The following PLPP1 variants were observed in gnomAD, a reference collection of about 807,000 sequenced individuals.
The protein encoded by PLPP1 is phospholipid phosphatase 1.
A neutral mutation model predicts 31.2 loss-of-function variants in PLPP1; 24 were observed. The ratio of observed to expected loss-of-function variants is 0.77; its 90% CI spans 0.56 to 1.08. The LOEUF (loss-of-function observed/expected upper bound fraction) is 1.08, where lower values mean the gene tolerates loss of function less well. Ranked by LOEUF, PLPP1 falls within the 50% of genes least tolerant of loss-of-function variation. PLPP1 has a pLI of 0.00. For synonymous variants in PLPP1, 146 were observed against 126.3 expected, an observed-to-expected ratio of 1.16 and a Z score of -1.05; for missense variants, 319 against 342.7, an observed-to-expected ratio of 0.93 and a Z score of 0.55.
At chr5:55,505,203 T>C (rs546417761) in intron 1 of PLPP1, among the ~76,000 whole-genome samples, 274 of 152,312 alleles carry the variant, frequency 1.8e-3, no homozygotes, top group Non-Finnish European at 3.2e-3. Context: ...ATATTTTCTA[T>C]ACTTCATCTA....
intron 3 of PLPP1, among the ~76,000 whole-genome samples, chr5:55,449,920 G>T (rs1472259622): frequency 6.6e-6 from 1 of 151,364 alleles, no homozygotes; most frequent in African/African-American, 2.4e-5. Context: ...GGTAATAAAT[G>T]GTAAAGGAAT....
intron 1 of PLPP1, among the ~76,000 whole-genome samples, chr5:55,508,342 A>G (rs1366997270): frequency 6.6e-6 from 1 of 152,168 alleles, no homozygotes; most frequent in African/African-American, 2.4e-5. Flanking sequence ...CACTGTGGGC[A>G]CCTCTATGTG....
intron 4 of PLPP1, among the ~76,000 whole-genome samples, chr5:55,440,821 T>C (rs534725668): frequency 6.6e-6 from 1 of 152,340 alleles, no homozygotes; most frequent in South Asian, 2.1e-4. Flanking sequence ...TTACATATTG[T>C]GCATTTTAAG....
intron 3 of PLPP1, 132 bp downstream of exon 3, chr5:55,467,737 C>G: frequency 1.0e-6 from 1 of 997,788 alleles, no homozygotes; most frequent in South Asian, 1.7e-5. Flanking sequence ...ACAATTCATA[C>G]AAGATCAAAA....
chr5:55,523,708 C>T (rs1253100817), intron 1 of PLPP1, among the ~76,000 whole-genome samples: 1 of 152,220 alleles, frequency 6.6e-6, no homozygotes, highest in Non-Finnish European at 1.5e-5. Flanking sequence ...ATTCCAGCCA[C>T]ACTGGCCTCT....
chr5:55,508,541 T>C (rs1229607650), intron 1 of PLPP1, among the ~76,000 whole-genome samples: 2 of 152,220 alleles, frequency 1.3e-5, no homozygotes, highest in African/African-American at 4.8e-5. Context: ...CAGGTATTAT[T>C]ATCCCCATTT....
At chr5:55,435,637 T>C (rs1178353106) in intron 4 of PLPP1, among the ~76,000 whole-genome samples, 1 of 152,180 alleles carries the variant, frequency 6.6e-6, no homozygotes, top group African/African-American at 2.4e-5. Flanking sequence ...AACACAACTC[T>C]AGAACTGGAA....
chr5:55,525,753 T>C (rs1279282941), intron 1 of PLPP1, among the ~76,000 whole-genome samples: 1 of 151,458 alleles, frequency 6.6e-6, no homozygotes, highest in African/African-American at 2.4e-5. Flanking sequence ...GGAAGTACAG[T>C]GGGGAGGAAG....
intron 4 of PLPP1, among the ~76,000 whole-genome samples, chr5:55,440,101 T>C (rs1242893525): frequency 6.6e-6 from 1 of 152,102 alleles, no homozygotes; most frequent in East Asian, 1.9e-4. Flanking sequence ...TAGTCAAAAA[T>C]AAAAGTAGTG....
intron 2 of PLPP1, among the ~76,000 whole-genome samples, chr5:55,473,294 C>T (rs535653738): frequency 3.9e-5 from 6 of 152,272 alleles, no homozygotes; most frequent in African/African-American, 1.4e-4. Context: ...AACATTACTG[C>T]GTAATTACTC....
At chr5:55,425,805 TTTAC>T in intron 5 of PLPP1, 54 bp downstream of exon 5, 1 of 1,408,656 alleles carries the variant, frequency 7.1e-7, no homozygotes, top group Non-Finnish European at 9.4e-7. Flanking sequence ...TTTTTTTCTA[TTTAC>T]TTATATAAAT....
intron 1 of PLPP1, among the ~76,000 whole-genome samples, chr5:55,476,435 A>G (rs1002867564): frequency 6.6e-6 from 1 of 152,178 alleles, no homozygotes; most frequent in African/African-American, 2.4e-5. Context: ...CTCACCTCCT[A>G]AAACGCCAAA....
intron 1 of PLPP1, among the ~76,000 whole-genome samples, chr5:55,512,286 C>A (rs890752849): frequency 7.3e-5 from 11 of 150,230 alleles, no homozygotes; most frequent in African/African-American, 2.7e-4. Flanking sequence ...GCCTGACCAA[C>A]ATGGTGAAAT....
intron 3 of PLPP1, among the ~76,000 whole-genome samples, chr5:55,465,747 G>C (rs1390156951): frequency 6.6e-6 from 1 of 152,022 alleles, no homozygotes; most frequent in African/African-American, 2.4e-5. Context: ...ATTTTCAATA[G>C]GCTTCCTCTC....
At chr5:55,425,790 G>GA (rs1191505743) in intron 5 of PLPP1, 73 bp downstream of exon 5, 6 of 818,504 alleles carry the variant, frequency 7.3e-6, no homozygotes, top group Non-Finnish European at 1.0e-5. Context: ...GGATTTTTTG[G>GA]ATTTTTTTTT....
chr5:55,462,825 T>G (rs1752195202), intron 3 of PLPP1, among the ~76,000 whole-genome samples: 1 of 151,726 alleles, frequency 6.6e-6, no homozygotes, highest in East Asian at 1.9e-4. Flanking sequence ...TACAAAAAAT[T>G]AGCTGGGTAT....
chr5:55,519,679 G>A lies in PLPP1; in HGVS notation c.58+14893C>T, dbSNP rs1034386355. 1.2e-4 allele frequency among the ~76,000 whole-genome samples: 18 copies of A among 151,736 alleles called. 1 individual carries two copies. The highest frequency in any genetic ancestry group is 4.4e-5 in the Non-Finnish European group (3 of 67,980). ...GCAAGAGAATCACTTGAACCAGGGAGCTGGCGGTTGCAGTGAGCCAAGATC... is the reference window on the plus strand; with the variant it reads ...GCAAGAGAATCACTTGAACCAGGGAACTGGCGGTTGCAGTGAGCCAAGATC... On this transcript the variant is annotated intron_variant, in intron 1 of 5. Transcript: ENST00000307259.
intron 4 of PLPP1, among the ~76,000 whole-genome samples, chr5:55,427,004 C>A (rs1430709861): frequency 1.3e-5 from 2 of 151,932 alleles, no homozygotes; most frequent in Non-Finnish European, 2.9e-5. Context: ...ATTCCCCTTT[C>A]TCATGTCAGT....
chr5:55,455,271 T>C (rs1189725270), intron 3 of PLPP1, among the ~76,000 whole-genome samples: 2 of 151,686 alleles, frequency 1.3e-5, no homozygotes, highest in African/African-American at 4.8e-5. Context: ...CAGCCAATAG[T>C]TTCCATACTG....
Sources: gnomAD v4.1 joint callset for allele counts (sites outside exome capture counted in the v4.1 genomes callset) on GRCh38, gnomAD v4.1.1 for gene constraint, MANE v1.5 for transcripts, NCBI Gene and HGNC (gene_info 2026-07-23, HGNC 2026-07-21) for gene names.